FMO4: variants seen among roughly 807,000 people sequenced by gnomAD.
The protein encoded by FMO4 is flavin containing dimethylaniline monoxygenase 4.
In FMO4, 38 loss-of-function variants were observed where a neutral mutation model predicts 43.3. That is an observed-to-expected ratio of 0.88 (90% CI 0.68 to 1.15). The LOEUF is 1.15. Among genes scored for constraint, FMO4 ranks in the 50% most tolerant of loss-of-function variants. FMO4 has a pLI of 0.00. For missense variants in FMO4, 631 were observed against 663.3 expected, an observed-to-expected ratio of 0.95 and a Z score of 0.54; for synonymous variants, 224 against 232.2, an observed-to-expected ratio of 0.96 and a Z score of 0.32.
At chr1:171,330,173 T>G (rs1246885804) in intron 5 of FMO4, among the ~76,000 whole-genome samples, 1 of 152,224 alleles carries the variant, frequency 6.6e-6, no homozygotes, top group African/African-American at 2.4e-5. Context: ...CTTTGTATAT[T>G]GACACTTCAA....
chr1:171,333,112 C>G, intron 7 of FMO4: 1 of 441,130 alleles, frequency 2.3e-6, no homozygotes, highest in Non-Finnish European at 4.0e-6. Context: ...AGTAGTGATT[C>G]ATGAGGCTGG....
At position 171,341,437 on chromosome 1, in the gene FMO4, A is replaced by C. The variant is rs780656682; in HGVS notation, c.1275A>C (p.Lys425Asn). Residue 425 changes from lysine (K) to asparagine (N), a missense_variant, in exon 10 of 10, where the codon AAA (lysine) becomes AAC (asparagine). Coordinates refer to ENST00000367749, the MANE Select transcript of FMO4 (RefSeq NM_002022.3). ...IKRGVFKDTS[K>N]DKFDYIAYMD... ...GGGGAGTGTTTAAAGACACCAGCAA[A>C]GACAAATTTGACTACATTGCCTACA... The C allele has an allele frequency of 2.4e-5, 38 of 1,613,754 alleles. 1 individual carries two copies. In the South Asian group the frequency reaches 4.2e-4, roughly 18 times the overall value.
intron 9 of FMO4, 67 bp from the exon 10 acceptor site, chr1:171,341,346 T>C (rs1663361818): frequency 8.5e-7 from 1 of 1,172,290 alleles, no homozygotes; most frequent in Non-Finnish European, 1.2e-6. Flanking sequence ...GATGGGTGGG[T>C]CTGATAACTT....
intron 5 of FMO4, among the ~76,000 whole-genome samples, 194 bp from the exon 6 acceptor site, chr1:171,331,446 C>T (rs531245412): frequency 1.3e-5 from 2 of 152,282 alleles, no homozygotes; most frequent in South Asian, 2.1e-4. Flanking sequence ...GCAGTTTGTA[C>T]TAAATCCACA....
At chr1:171,337,502 A>G in intron 9 of FMO4, 77 bp downstream of exon 9, 1 of 993,514 alleles carries the variant, frequency 1.0e-6, no homozygotes, top group Admixed American at 1.8e-5. Context: ...TATAAAAGCC[A>G]TTCCTAGAGA....
rs969766382 is a variant in FMO4 at position 171,342,081 on chromosome 1, T to A, written c.*242T>A. ...TCTAAAATAAATATATATGATATGG[T>A]TTAGCTGTGTCCCCACCCAAATCTC... On this transcript the variant is annotated 3_prime_UTR_variant, in exon 10 of 10. Coordinates refer to ENST00000367749, the MANE Select transcript of FMO4 (RefSeq NM_002022.3). The A allele has an allele frequency of 2.3e-6, 1 of 444,430 alleles. No individual in the cohort carries two copies. Among genetic ancestry groups the A allele is most frequent in the Non-Finnish European group, 4.0e-6 (1 of 247,914 alleles). 27.5% of individuals were successfully genotyped at this position (444,430 alleles called of 1,614,324 possible). A position where few individuals can be genotyped will look rare whatever the true frequency, so the allele number is the denominator to read the frequency against.
At chr1:171,317,435 C>T (rs1165092349) in intron 2 of FMO4, among the ~76,000 whole-genome samples, 4 of 152,118 alleles carry the variant, frequency 2.6e-5, no homozygotes, top group Non-Finnish European at 5.9e-5. Context: ...AAGTGGGTTG[C>T]AGGGAAATGC....
Position 171,334,512 on chromosome 1 carries a change from C to A in FMO4, c.929C>A (p.Ala310Asp). 6.2e-7 allele frequency: 1 copy of A among 1,613,628 alleles called. No individual in the cohort carries two copies. The highest frequency in any genetic ancestry group is 8.5e-7 in the Non-Finnish European group (1 of 1,179,550). The change falls in exon 8 of 10, where the codon GCT becomes GAT. Residue 310 changes from alanine (A) to aspartate (D), a missense_variant. Coordinates refer to ENST00000367749, the MANE Select transcript of FMO4 (RefSeq NM_002022.3). ...GTGATTGAATTTACAGAAACCTCTG[C>A]TGTCTTTGAAGATGGGACAGTGGAA... ...TSVIEFTETS[A>D]VFEDGTVEEN...
chr1:171,332,092 C>T (rs764979016), intron 6 of FMO4, among the ~76,000 whole-genome samples: 5 of 152,112 alleles, frequency 3.3e-5, no homozygotes, highest in Non-Finnish European at 7.4e-5. Flanking sequence ...AATTGCTTCA[C>T]CCAGTTCAAT....
At chr1:171,340,034 G>A (rs1161989569) in intron 9 of FMO4, among the ~76,000 whole-genome samples, 4 of 152,146 alleles carry the variant, frequency 2.6e-5, no homozygotes, top group African/African-American at 9.7e-5. Context: ...ACTGAGCCTC[G>A]CTTGCCCTCG....
At chr1:171,318,947 T>C (rs1410886133) in intron 2 of FMO4, among the ~76,000 whole-genome samples, 1 of 152,216 alleles carries the variant, frequency 6.6e-6, no homozygotes, top group African/African-American at 2.4e-5. Flanking sequence ...CCAGGGCTAG[T>C]GCTTTTGGGC....
intron 4 of FMO4, among the ~76,000 whole-genome samples, chr1:171,323,609 A>C (rs1337108481): frequency 2.6e-5 from 4 of 152,164 alleles, no homozygotes; most frequent in Admixed American, 2.6e-4. Flanking sequence ...GGTTGCAGTG[A>C]GCCAAGATCA....
intron 9 of FMO4, among the ~76,000 whole-genome samples, chr1:171,340,775 T>C (rs1381447279): frequency 1.8e-4 from 28 of 152,310 alleles, no homozygotes; most frequent in Admixed American, 5.2e-4. Context: ...GCATTCGCTG[T>C]ACACTTTAAG....
intron 8 of FMO4, among the ~76,000 whole-genome samples, chr1:171,336,310 G>A (rs1185497021): frequency 6.6e-6 from 1 of 152,030 alleles, no homozygotes; most frequent in Non-Finnish European, 1.5e-5. Context: ...GAGGGAGTAT[G>A]GGTGTTCTAG....
chr1:171,335,338 G>A (rs541507357), intron 8 of FMO4, among the ~76,000 whole-genome samples: 4 of 152,074 alleles, frequency 2.6e-5, no homozygotes, highest in Admixed American at 1.3e-4. Flanking sequence ...AATAAATCCC[G>A]TATGACAAGA....
At chr1:171,327,332 G>C (rs1662711134) in intron 5 of FMO4, among the ~76,000 whole-genome samples, 1 of 152,132 alleles carries the variant, frequency 6.6e-6, no homozygotes, top group South Asian at 2.1e-4. Flanking sequence ...CTTCTGGGAG[G>C]GAGTATAGTA....
chr1:171,324,208 C>T lies in FMO4; in HGVS notation c.392C>T (p.Thr131Ile). Reference sequence around the variant, plus strand: ...GGTCAGTGGGATGTTGTCACAGAGACAGAGGGCAAGCAAAATAGAGCTGTC... The same window carrying T: ...GGTCAGTGGGATGTTGTCACAGAGATAGAGGGCAAGCAAAATAGAGCTGTC... ...ETGQWDVVTE[T>I]EGKQNRAVFD... Residue 131 changes from threonine (T) to isoleucine (I), a missense_variant, in exon 5 of 10, where the codon ACA becomes ATA. By Grantham distance (89) the Thr-to-Ile change is moderately conservative. Transcript: ENST00000367749. 3.7e-6 allele frequency: 6 copies of T among 1,613,818 alleles called. No homozygotes were observed. The highest frequency in any genetic ancestry group is 4.2e-6 in the Non-Finnish European group (5 of 1,179,810).
intron 3 of FMO4, among the ~76,000 whole-genome samples, chr1:171,320,539 C>T (rs953524237): frequency 6.6e-6 from 1 of 152,198 alleles, no homozygotes; most frequent in African/African-American, 2.4e-5. Context: ...AGGCTACACT[C>T]AGGTCCAGGC....
At position 171,334,564 on chromosome 1, in the gene FMO4, T is replaced by C; in HGVS notation, c.981T>C (p.Thr327=). ...AAAACATTGATGTTGTGATCTTCACTACAGGATATACATTTTCTTTTCCAT... is the reference window on the plus strand; with the variant it reads ...AAAACATTGATGTTGTGATCTTCACCACAGGATATACATTTTCTTTTCCAT... ...VEENIDVVIF[T]TGYTFSFPFF... is the part of the protein sequence containing the mutation. Residue 327 remains threonine, a synonymous_variant, in exon 8 of 10, where the codon ACT becomes ACC. Coordinates refer to ENST00000367749, the MANE Select transcript of FMO4 (RefSeq NM_002022.3). 6.2e-7 allele frequency: 1 copy of C among 1,613,018 alleles called. No individual in the cohort carries two copies. The highest frequency in any genetic ancestry group is 8.5e-7 in the Non-Finnish European group (1 of 1,178,978).
Sources: allele counts gnomAD v4.1 joint callset (sites outside exome capture counted in the v4.1 genomes callset), GRCh38; gene constraint gnomAD v4.1.1; transcripts MANE v1.5; gene names NCBI Gene and HGNC (gene_info 2026-07-23, HGNC 2026-07-21).